CAPN3: variants seen among roughly 807,000 people sequenced by gnomAD.
CAPN3 encodes the protein calpain 3, also known as calpain-3.
Under a neutral mutation model 114.0 loss-of-function variants are expected in CAPN3, and 88 were observed. The ratio of observed to expected loss-of-function variants is 0.77; its 90% CI spans 0.65 to 0.92. The LOEUF (loss-of-function observed/expected upper bound fraction) is 0.92, where lower values mean the gene tolerates loss of function less well. Ranked by LOEUF, CAPN3 falls within the 40% of genes least tolerant of loss-of-function variation. The pLI is 0.00. For synonymous variants in CAPN3, 386 were observed against 382.9 expected (o/e 1.01, Z -0.09); for missense variants, 1,028 against 1,069.0 (o/e 0.96, Z 0.53).
Position 42,378,103 on chromosome 15 carries a change from G to A in CAPN3, c.310-6380G>A, listed in dbSNP as rs187600723. Among the ~76,000 whole-genome samples, 997 of 152,274 alleles carry A rather than the reference G, an allele frequency of 6.5e-3. 14 individuals are homozygous for A. Among genetic ancestry groups the A allele is most frequent in the Middle Eastern group, 6.8e-3 (2 of 294 alleles). ...GAAAGAGCAGCTAGGGGTCCAAGCC[G>A]CTCACAGATACTAAGGAAGGTGCTG... On this transcript the variant is annotated intron_variant, in intron 1 of 23. Transcript: ENST00000397163.
chr15:42,383,287 G>T (rs1314213720), intron 1 of CAPN3, among the ~76,000 whole-genome samples: 1 of 152,146 alleles, frequency 6.6e-6, no homozygotes, highest in East Asian at 1.9e-4. Context: ...TGAGAAGAAT[G>T]GGGCTAAAAC....
chr15:42,398,590 TACACACAC>T (rs376966106), intron 9 of CAPN3, among the ~76,000 whole-genome samples: 12,156 of 120,256 alleles, frequency 0.1, 1,100 homozygotes, highest in African/African-American at 0.22. Flanking sequence ...TCTCAAAAAA[TACACACAC>T]ACACACACAC....
At chr15:42,369,098 C>T (rs542123390) in intron 1 of CAPN3, among the ~76,000 whole-genome samples, 154 of 152,234 alleles carry the variant, frequency 1.0e-3, no homozygotes, top group African/African-American at 3.6e-3. Flanking sequence ...GGTGAGAGAG[C>T]CTATCACAGG....
At chr15:42,376,280 A>T (rs1257285290) in intron 1 of CAPN3, among the ~76,000 whole-genome samples, 1 of 152,224 alleles carries the variant, frequency 6.6e-6, no homozygotes, top group African/African-American at 2.4e-5. Flanking sequence ...CCCATACTTA[A>T]GCAAGGGGGA....
intron 16 of CAPN3, chr15:42,408,893 T>A: frequency 3.5e-6 from 1 of 287,774 alleles, no homozygotes; most frequent in South Asian, 3.7e-5. Flanking sequence ...TGGGGCCTCA[T>A]GCAGTGGGGC....
intron 1 of CAPN3, among the ~76,000 whole-genome samples, chr15:42,371,669 G>T (rs1355636781): frequency 6.6e-6 from 1 of 152,008 alleles, no homozygotes; most frequent in Admixed American, 6.6e-5. Flanking sequence ...ACTCTCTCAA[G>T]AATACTTTTT....
At chr15:42,394,522 CGGGGTGCT>C (rs1439639186) in intron 8 of CAPN3, among the ~76,000 whole-genome samples, 181 bp downstream of exon 8, 5 of 152,036 alleles carry the variant, frequency 3.3e-5, no homozygotes, top group Non-Finnish European at 5.9e-5. Context: ...GGAGTGGAAG[CGGGGTGCT>C]GGGGACCCAG....
At chr15:42,399,023 G>A (rs926152425) in intron 9 of CAPN3, among the ~76,000 whole-genome samples, 1 of 152,036 alleles carries the variant, frequency 6.6e-6, no homozygotes, top group Non-Finnish European at 1.5e-5. Context: ...AGCCTCAGGT[G>A]ATCCACCTGC....
chr15:42,380,369 T>C (rs1192099836), intron 1 of CAPN3, among the ~76,000 whole-genome samples: 1 of 64,000 alleles, frequency 1.6e-5, no homozygotes, highest in Non-Finnish European at 2.5e-5. Flanking sequence ...CTTTTTTGTC[T>C]TTTTTTTTTT....
intron 23 of CAPN3, 145 bp downstream of exon 23, chr15:42,411,490 A>C: frequency 2.3e-6 from 2 of 854,952 alleles, no homozygotes; most frequent in Non-Finnish European, 4.0e-6. Flanking sequence ...AGGGAGGCTC[A>C]GCAGGCTCCC....
At chr15:42,387,724 G>A (rs1349640320) in intron 3 of CAPN3, 29 bp from the exon 4 acceptor site, 1 of 1,613,990 alleles carries the variant, frequency 6.2e-7, no homozygotes, top group African/African-American at 1.3e-5. Context: ...ATTTGAGTAT[G>A]TGACTCTGTG....
chr15:42,380,986 C>G (rs919681887), intron 1 of CAPN3, among the ~76,000 whole-genome samples: 18 of 151,816 alleles, frequency 1.2e-4, no homozygotes, highest in Non-Finnish European at 2.9e-5. Flanking sequence ...AGTCCACCCT[C>G]AAATAACACT....
At chr15:42,410,117 C>A in intron 19 of CAPN3, 122 bp downstream of exon 19, 1 of 898,830 alleles carries the variant, frequency 1.1e-6, no homozygotes, top group Non-Finnish European at 1.9e-6. Flanking sequence ...TAAGGAGACC[C>A]TGATTCAGAA....
chr15:42,385,859 A>G (rs1311028308), intron 2 of CAPN3: 2 of 597,114 alleles, frequency 3.3e-6, no homozygotes, highest in South Asian at 1.4e-5. Flanking sequence ...ATGATCACCT[A>G]CTGCTCTGTC....
intron 14 of CAPN3, chr15:42,404,195 A>C (rs1355546836): frequency 6.5e-6 from 3 of 458,072 alleles, no homozygotes; most frequent in African/African-American, 6.0e-5. Context: ...CAGCGGGGTG[A>C]CCTGGACAAT....
Position 42,373,772 on chromosome 15 carries a change from G to A in CAPN3, c.310-10711G>A, listed in dbSNP as rs147226500. Among the ~76,000 whole-genome samples, 10 of 152,244 alleles carry A rather than the reference G, an allele frequency of 6.6e-5. No homozygotes were observed. In the East Asian group the frequency reaches 1.9e-3, roughly 29 times the overall value. On this transcript the variant is annotated intron_variant, in intron 1 of 23. Coordinates refer to ENST00000397163, the MANE Select transcript of CAPN3 (RefSeq NM_000070.3). ...AAATGACTGGTCAAGGTCTTTGAGG[G>A]GTGGGCCAGGGACATCAGGAGTGTG... is the stretch of plus-strand genomic sequence containing the variant.
intron 14 of CAPN3, chr15:42,404,238 A>G (rs955832487): frequency 1.8e-5 from 8 of 456,734 alleles, no homozygotes; most frequent in Middle Eastern, 3.2e-4. Context: ...TTTCCTACTC[A>G]GTAAAACGGG....
At chr15:42,409,201 C>T (rs911631948) in intron 16 of CAPN3, 102 bp from the exon 17 acceptor site, 14 of 1,039,122 alleles carry the variant, frequency 1.3e-5, no homozygotes, top group African/African-American at 7.9e-5. Context: ...CTGCCACCTC[C>T]GGCCGTTTTA....
intron 16 of CAPN3, 101 bp from the exon 17 acceptor site, chr15:42,409,202 G>A (rs113256671): frequency 3.8e-6 from 4 of 1,053,108 alleles, no homozygotes; most frequent in African/African-American, 1.6e-5. Flanking sequence ...TGCCACCTCC[G>A]GCCGTTTTAG....
Sources: allele counts gnomAD v4.1 joint callset (sites outside exome capture counted in the v4.1 genomes callset), GRCh38; gene constraint gnomAD v4.1.1; transcripts MANE v1.5; gene names NCBI Gene and HGNC (gene_info 2026-07-23, HGNC 2026-07-21).